Variants in NOSIP observed in about 807,000 individuals in gnomAD.
NOSIP encodes the protein nitric oxide synthase interacting protein.
Under a neutral mutation model 36.4 loss-of-function variants are expected in NOSIP, and 25 were observed. The observed-to-expected ratio is 0.69, with a 90% CI of 0.50 to 0.96. The LOEUF is 0.96. NOSIP is among the 40% of genes least tolerant of loss of function. NOSIP has a pLI of 0.00. For missense variants in NOSIP, 370 were observed against 429.0 expected, an observed-to-expected ratio of 0.86 and a Z score of 1.21; for synonymous variants, 187 against 179.2, an observed-to-expected ratio of 1.04 and a Z score of -0.35.
intron 3 of NOSIP, chr19:49,559,205 G>C (rs2080297674): frequency 1.9e-6 from 1 of 535,536 alleles, no homozygotes; most frequent in African/African-American, 1.9e-5. Flanking sequence ...GCAGAATCTA[G>C]TAGAGACTAG....
chr19:49,560,812 G>C lies in NOSIP; in HGVS notation c.-1-120C>G. 2 of 772,952 alleles carry C rather than the reference G, an allele frequency of 2.6e-6. No homozygotes were observed. The highest frequency in any genetic ancestry group is 4.4e-6 in the Non-Finnish European group (2 of 458,036). The allele number at this position is 772,952 out of a possible 1,614,324, so 47.9% of individuals were successfully genotyped here. On this transcript the variant is annotated intron_variant, in intron 1 of 8. Transcript: ENST00000596358. The surrounding 1 kb of genome is among the most constrained non-coding windows in gnomAD (Gnocchi z 4.6). ...GATGGGAAAGCGGAGGCGGAGAAGGGGGGTGAGGTGGAAGAGAGGGAGGGC... is the reference window on the plus strand; with the variant it reads ...GATGGGAAAGCGGAGGCGGAGAAGGCGGGTGAGGTGGAAGAGAGGGAGGGC...
At chr19:49,577,282 G>A (rs1428103359) in intron 1 of NOSIP, among the ~76,000 whole-genome samples, 1 of 152,186 alleles carries the variant, frequency 6.6e-6, no homozygotes, top group Non-Finnish European at 1.5e-5. Flanking sequence ...ATGCAGGCGG[G>A]GCGCGGTGGC....
chr19:49,574,175 A>G (rs985488772), intron 1 of NOSIP, among the ~76,000 whole-genome samples: 4 of 151,992 alleles, frequency 2.6e-5, no homozygotes, highest in African/African-American at 4.8e-5. Flanking sequence ...CTCATTTAAT[A>G]GGTAGGAAAA....
chr19:49,560,687 G>A lies in NOSIP; in HGVS notation c.5C>T (p.Thr2Met). The change falls in exon 2 of 9, where the codon ACG becomes ATG. Residue 2 changes from threonine to methionine, a missense_variant. Physicochemically the swap from Thr to Met is moderately conservative, Grantham distance 81. Transcript: ENST00000596358. The surrounding 1 kb of genome is among the most constrained non-coding windows in gnomAD (Gnocchi z 4.6). ...TGCGGTGCAGTTCTTGCCATGCCGC[G>A]TCATCCTAGGGAGGAAGGGACAGTG... is the stretch of plus-strand genomic sequence containing the variant. MTRHGKNCTAGA... is the reference protein window; with the variant it reads MMRHGKNCTAGA... 3.1e-6 allele frequency: 5 copies of A among 1,590,960 alleles called. No individual in the cohort carries two copies. The highest frequency in any genetic ancestry group is 4.3e-6 in the Non-Finnish European group (5 of 1,168,060).
chr19:49,576,884 CAAAAAAAAAAAAA>C (rs58441193), intron 1 of NOSIP, among the ~76,000 whole-genome samples: 1 of 47,382 alleles, frequency 2.1e-5, no homozygotes, highest in Non-Finnish European at 5.1e-5. Context: ...AACTCTGTCT[CAAAAAAAAAAAAA>C]AAAAAAAAAA....
At chr19:49,567,634 T>A (rs1410419921) in intron 1 of NOSIP, among the ~76,000 whole-genome samples, 2 of 152,278 alleles carry the variant, frequency 1.3e-5, no homozygotes, top group East Asian at 3.9e-4. Context: ...ATACTTGTAA[T>A]GCCTACAATC....
intron 1 of NOSIP, among the ~76,000 whole-genome samples, chr19:49,572,972 CAAAAAAAAA>C (rs5828405): frequency 3.3e-5 from 2 of 60,780 alleles, no homozygotes; most frequent in South Asian, 1.2e-3. Context: ...GACTGTGTCT[CAAAAAAAAA>C]AAAAAAAAAA....
rs1272860411 is a variant in NOSIP at position 49,560,375 on chromosome 19, G to A, written c.70+247C>T. ...TCAGTTTCTTCCTCTGGAACATGGG[G>A]TAACAAGAGCACCCTCCCTGACACT... On this transcript the variant is annotated intron_variant, in intron 2 of 8. Transcript: ENST00000596358. This position sits in a 1 kb window ranked among gnomAD's most constrained non-coding sequence, Gnocchi z 4.6. The A allele has an allele frequency of 1.0e-5, 6 of 582,856 alleles. No individual in the cohort carries two copies. The highest frequency in any genetic ancestry group is 1.8e-5 in the Non-Finnish European group (6 of 326,352). 36.1% of individuals were successfully genotyped at this position (582,856 alleles called of 1,614,324 possible). A position where few individuals can be genotyped will look rare whatever the true frequency, so the allele number is the denominator to read the frequency against.
intron 6 of NOSIP, 66 bp from the exon 7 acceptor site, chr19:49,556,802 C>T (rs2080255307): frequency 3.1e-6 from 5 of 1,597,144 alleles, no homozygotes; most frequent in Non-Finnish European, 4.3e-6. Flanking sequence ...CGCGTGGTCC[C>T]TGTGCGTGAG....
intron 1 of NOSIP, among the ~76,000 whole-genome samples, chr19:49,564,150 C>T (rs879408742): frequency 2.0e-5 from 3 of 151,968 alleles, no homozygotes; most frequent in East Asian, 1.9e-4. Flanking sequence ...ACCAGGGAAA[C>T]GCACATTAAA....
In NOSIP at chr19:49,560,401, CTG is replaced by C. The variant is rs2080316420; in HGVS notation, c.70+219_70+220del. On this transcript the variant is annotated intron_variant, in intron 2 of 8. Transcript: ENST00000596358. The surrounding 1 kb of genome is among the most constrained non-coding windows in gnomAD (Gnocchi z 4.6). Reference sequence around the variant, plus strand: ...TAACAAGAGCACCCTCCCTGACACTCTGTTGGGAGGAGTGAGTTCATGCGCAG... The same window carrying C: ...TAACAAGAGCACCCTCCCTGACACTCTTGGGAGGAGTGAGTTCATGCGCAG... 30 of 593,504 alleles carry C rather than the reference CTG, an allele frequency of 5.1e-5. No homozygotes were observed. In the South Asian group the frequency reaches 5.6e-4, roughly 11 times the overall value. The allele number at this position is 593,504 out of a possible 1,614,324, so 36.8% of individuals were successfully genotyped here.
At chr19:49,562,665 G>A (rs932187274) in intron 1 of NOSIP, among the ~76,000 whole-genome samples, 3 of 152,106 alleles carry the variant, frequency 2.0e-5, no homozygotes, top group African/African-American at 2.4e-5. Flanking sequence ...GGCGGATCAC[G>A]AGATCAAGAG....
At chr19:49,556,822 G>A (rs1265448534) in intron 6 of NOSIP, 53 bp downstream of exon 6, 1 of 1,595,724 alleles carries the variant, frequency 6.3e-7, no homozygotes, top group Admixed American at 1.7e-5. Flanking sequence ...GGAGGACGGT[G>A]GGGAACCCTG....
rs776203889 is a variant in NOSIP, at chr19:49,555,731, A to AG, written c.*19_*20insC. The AG allele has an allele frequency of 8.9e-5, 143 of 1,608,504 alleles. No homozygotes were observed. Among genetic ancestry groups the AG allele is most frequent in the Non-Finnish European group, 1.2e-4 (136 of 1,176,016 alleles). Reference sequence around the variant, plus strand: ...CGTCGTTGCGCACCCAAGCCGGTTTATTTGGTCTCCCGCACACACTCAGGC... The same window carrying AG: ...CGTCGTTGCGCACCCAAGCCGGTTTAGTTTGGTCTCCCGCACACACTCAGGC... On this transcript the variant is annotated 3_prime_UTR_variant, in exon 9 of 9. Coordinates refer to ENST00000596358, the MANE Select transcript of NOSIP (RefSeq NM_001270960.2).
chr19:49,567,330 C>T (rs1294469588), intron 1 of NOSIP, among the ~76,000 whole-genome samples: 1 of 150,322 alleles, frequency 6.7e-6, no homozygotes, highest in African/African-American at 2.5e-5. Flanking sequence ...ACTGTGTTAG[C>T]CAGGATGGTC....
chr19:49,571,907 C>T (rs543494536), intron 1 of NOSIP, among the ~76,000 whole-genome samples: 1 of 147,962 alleles, frequency 6.8e-6, no homozygotes, highest in Non-Finnish European at 1.5e-5. Context: ...ATCGCTTGAA[C>T]CCAGGAGGTG....
At chr19:49,559,034 C>A in intron 3 of NOSIP, 56 bp from the exon 4 acceptor site, 1 of 1,426,288 alleles carries the variant, frequency 7.0e-7, no homozygotes, top group Non-Finnish European at 9.8e-7. Flanking sequence ...GCCTCGGCCT[C>A]CCGAAGTGCT....
intron 1 of NOSIP, among the ~76,000 whole-genome samples, chr19:49,562,229 C>A (rs1315729759): frequency 6.6e-6 from 1 of 152,186 alleles, no homozygotes; most frequent in East Asian, 1.9e-4. Flanking sequence ...TAAAGCGATT[C>A]TCCTGCCTCA....
intron 3 of NOSIP, chr19:49,559,647 A>G: frequency 2.3e-6 from 1 of 441,068 alleles, no homozygotes; most frequent in Non-Finnish European, 4.2e-6. Flanking sequence ...CTACCATCAG[A>G]GGTAGGTCAT....
Sources: gnomAD v4.1 joint callset for allele counts (sites outside exome capture counted in the v4.1 genomes callset) on GRCh38, gnomAD v4.1.1 for gene constraint, Gnocchi (gnomAD v3.1) non-coding constraint, MANE v1.5 for transcripts, NCBI Gene and HGNC (gene_info 2026-07-23, HGNC 2026-07-21) for gene names.